The following CHST11 variants were observed in gnomAD, a reference collection of about 807,000 sequenced individuals.
The protein encoded by CHST11 is carbohydrate sulfotransferase 11, also known as C4S-1.
In CHST11, 9 loss-of-function variants were observed where a neutral mutation model predicts 30.4. The observed-to-expected ratio is 0.30, with a 90% CI of 0.18 to 0.52. CHST11 has a LOEUF of 0.52. CHST11 is among the 20% of genes least tolerant of loss of function. The pLI, the probability that CHST11 is intolerant of heterozygous loss-of-function variation, is 0.97. For missense variants in CHST11, 348 were observed against 460.6 expected, an observed-to-expected ratio of 0.76 and a Z score of 2.24; for synonymous variants, 152 against 187.8, an observed-to-expected ratio of 0.81 and a Z score of 1.56.
chr12:104,640,919 C>A (rs188453027), intron 2 of CHST11, among the ~76,000 whole-genome samples: 1 of 152,130 alleles, frequency 6.6e-6, no homozygotes, highest in Non-Finnish European at 1.5e-5. Context: ...CCTGTTTTCC[C>A]GCTCAAATGT....
rs115620945 is a variant in CHST11, at chr12:104,578,336, C to T, written c.119-23570C>T. On this transcript the variant is annotated intron_variant, in intron 1 of 2. Coordinates refer to ENST00000303694, the MANE Select transcript of CHST11 (RefSeq NM_018413.6). ...ATGCCTTGTAATATAATACACCTAACGATAAGTTTTCCTGAATTGAATATT... is the reference window on the plus strand; with the variant it reads ...ATGCCTTGTAATATAATACACCTAATGATAAGTTTTCCTGAATTGAATATT... Among the ~76,000 whole-genome samples, 1,291 of 152,244 alleles carry T rather than the reference C, an allele frequency of 8.5e-3. 23 individuals carry two copies. The highest frequency in any genetic ancestry group is 0.03 in the African/African-American group (1,226 of 41,522).
intron 2 of CHST11, among the ~76,000 whole-genome samples, chr12:104,749,128 G>A (rs942415179): frequency 5.3e-5 from 8 of 152,194 alleles, no homozygotes; most frequent in Non-Finnish European, 1.2e-4. Flanking sequence ...GACCTTAGGT[G>A]GAAGTGAATC....
intron 2 of CHST11, among the ~76,000 whole-genome samples, chr12:104,628,309 C>A (rs1473129671): frequency 6.6e-6 from 1 of 152,196 alleles, no homozygotes; most frequent in East Asian, 1.9e-4. Flanking sequence ...GGTGGCCCCT[C>A]ACCCCACAGG....
At chr12:104,621,636 G>A (rs1479929871) in intron 2 of CHST11, among the ~76,000 whole-genome samples, 1 of 151,094 alleles carries the variant, frequency 6.6e-6, no homozygotes, top group Admixed American at 6.6e-5. Context: ...AGTGATGTGA[G>A]GAAGGGGGCC....
At position 104,457,785 on chromosome 12, in the gene CHST11, G is replaced by GTTTTT. The variant is rs35612022; in HGVS notation, c.118+271_118+275dup. ...GAGGATGGGACCAGGAGGGGCGGTA[G>GTTTTT]TTTTTTTTTTTTTTTTTTTCTTCTT... On this transcript the variant is annotated intron_variant, in intron 1 of 2. Transcript: ENST00000303694. Among the ~76,000 whole-genome samples the GTTTTT allele has an allele frequency of 2.0e-4, 27 of 137,658 alleles. No homozygotes were observed. The South Asian group carries it at 5.8e-3, about 30-fold the overall frequency. 90.3% of individuals were successfully genotyped at this position (137,658 alleles called of 152,430 possible). A position where few individuals can be genotyped will look rare whatever the true frequency, so the allele number is the denominator to read the frequency against.
intron 1 of CHST11, among the ~76,000 whole-genome samples, chr12:104,572,512 A>T (rs1239652759): frequency 6.6e-6 from 1 of 152,166 alleles, no homozygotes; most frequent in East Asian, 1.9e-4. Context: ...AGAGGTGTTT[A>T]TAGTATTCTC....
intron 2 of CHST11, among the ~76,000 whole-genome samples, chr12:104,627,778 A>AGAT (rs35113252): frequency 0.35 from 52,969 of 151,708 alleles, 9,670 homozygotes; most frequent in Middle Eastern, 0.43. Context: ...GCATAAAGTC[A>AGAT]GATGATGATG....
chr12:104,502,954 G>T (rs2037866972), intron 1 of CHST11, among the ~76,000 whole-genome samples: 1 of 152,208 alleles, frequency 6.6e-6, no homozygotes, highest in Non-Finnish European at 1.5e-5. Context: ...TAGATGTGGG[G>T]CAGAGCTGGG....
intron 2 of CHST11, among the ~76,000 whole-genome samples, chr12:104,606,280 G>A (rs536723286): frequency 6.6e-6 from 1 of 151,932 alleles, no homozygotes; most frequent in Non-Finnish European, 1.5e-5. Context: ...TCTTCAGGGT[G>A]CTAAAGTAAA....
chr12:104,627,446 C>G (rs2039226858), intron 2 of CHST11, among the ~76,000 whole-genome samples: 1 of 152,160 alleles, frequency 6.6e-6, no homozygotes, highest in Admixed American at 6.5e-5. Context: ...TTAAATCAAA[C>G]TGTAGCTGCC....
chr12:104,589,901 C>A (rs1390784770), intron 1 of CHST11, among the ~76,000 whole-genome samples: 6 of 151,904 alleles, frequency 3.9e-5, no homozygotes, highest in Non-Finnish European at 8.8e-5. Flanking sequence ...CCCAGCTACT[C>A]GGGAGGCTGA....
At chr12:104,586,797 C>A (rs970411949) in intron 1 of CHST11, among the ~76,000 whole-genome samples, 12 of 152,212 alleles carry the variant, frequency 7.9e-5, no homozygotes, top group Non-Finnish European at 1.8e-4. Context: ...TATAATTACT[C>A]ATTTGAAGTG....
chr12:104,486,316 T>C (rs1363609852), intron 1 of CHST11, among the ~76,000 whole-genome samples: 1 of 152,172 alleles, frequency 6.6e-6, no homozygotes, highest in African/African-American at 2.4e-5. Flanking sequence ...TTTTTTTTTT[T>C]TTTAATGACA....
At chr12:104,467,180 C>A (rs943692240) in intron 1 of CHST11, among the ~76,000 whole-genome samples, 15 of 152,150 alleles carry the variant, frequency 9.9e-5, no homozygotes, top group African/African-American at 3.1e-4. Context: ...CACTCCAGTT[C>A]ATTTTGTGGT....
At chr12:104,502,930 A>C (rs1335955586) in intron 1 of CHST11, among the ~76,000 whole-genome samples, 1 of 152,240 alleles carries the variant, frequency 6.6e-6, no homozygotes, top group Non-Finnish European at 1.5e-5. Flanking sequence ...GTTAAAGTGC[A>C]GATCTGGATT....
At chr12:104,743,226 A>G (rs1351773516) in intron 2 of CHST11, among the ~76,000 whole-genome samples, 1 of 152,238 alleles carries the variant, frequency 6.6e-6, no homozygotes, top group African/African-American at 2.4e-5. Context: ...ATTGAGATAA[A>G]CTAAGGAGAT....
rs1375460341 is a variant in CHST11 at position 104,601,981 on chromosome 12, A to G, written c.194A>G (p.Asn65Ser). 14 of 1,612,022 alleles carry G rather than the reference A, an allele frequency of 8.7e-6. No individual in the cohort carries two copies. The highest frequency in any genetic ancestry group is 3.3e-4 in the Middle Eastern group (2 of 6,054). ...CGAAGCCCCCTGCAGGAACTCTACA[A>G]CCCAATCCAGGTAAGCTTCAAGCAC... ...GSRSPLQELY[N>S]PIQLELSNTA... The change falls in exon 2 of 3, where the codon AAC (asparagine) becomes AGC (serine). Residue 65 changes from asparagine to serine, a missense_variant. Physicochemically the swap from Asn to Ser is conservative, Grantham distance 46. This residue lies in a region of CHST11 where 135 missense variants were observed against 155.8 expected (regional missense o/e 0.87). Transcript: ENST00000303694.
chr12:104,750,035 T>C (rs942675010), intron 2 of CHST11, among the ~76,000 whole-genome samples: 2 of 152,154 alleles, frequency 1.3e-5, no homozygotes, highest in African/African-American at 4.8e-5. Context: ...AACCTAGTTC[T>C]GCCATATGAA....
At chr12:104,549,626 C>T (rs1252730258) in intron 1 of CHST11, among the ~76,000 whole-genome samples, 2 of 152,156 alleles carry the variant, frequency 1.3e-5, no homozygotes, top group South Asian at 2.1e-4. Flanking sequence ...GGAGGCACCA[C>T]GTGATGCACA....
Sources: allele counts gnomAD v4.1 joint callset (sites outside exome capture counted in the v4.1 genomes callset), GRCh38; gene constraint gnomAD v4.1.1; regional missense constraint gnomAD v4.1.1; transcripts MANE v1.5; gene names NCBI Gene and HGNC (gene_info 2026-07-23, HGNC 2026-07-21).